EPB41L4A: variants seen among roughly 807,000 people sequenced by gnomAD.
EPB41L4A encodes the protein erythrocyte membrane protein band 4.1 like 4A, also known as band 4.1-like protein 4A.
Under a neutral mutation model 108.6 loss-of-function variants are expected in EPB41L4A, and 100 were observed. The ratio of observed to expected loss-of-function variants is 0.92; its 90% CI spans 0.78 to 1.09. The LOEUF (loss-of-function observed/expected upper bound fraction) is 1.09. Ranked by LOEUF, EPB41L4A falls within the 50% of genes least tolerant of loss-of-function variation. The probability of loss-of-function intolerance (pLI) is 0.00; values close to 1 mark genes in which losing one functional copy is unlikely to be tolerated. For missense variants in EPB41L4A, 1,030 were observed against 842.7 expected (o/e 1.22, Z -2.75); for synonymous variants, 319 against 289.0 (o/e 1.10, Z -1.05).
chr5:112,154,118 A>C (rs1305555874), intron 12 of EPB41L4A, among the ~76,000 whole-genome samples: 1 of 152,216 alleles, frequency 6.6e-6, no homozygotes, highest in Non-Finnish European at 1.5e-5. Flanking sequence ...TTAATAATGT[A>C]AGTGTGGATA....
intron 2 of EPB41L4A, among the ~76,000 whole-genome samples, chr5:112,282,816 G>A (rs1004013335): frequency 2.6e-5 from 4 of 152,076 alleles, no homozygotes; most frequent in Non-Finnish European, 4.4e-5. Context: ...ACTAGTAAGG[G>A]GCAGAAATCA....
chr5:112,390,923 G>A (rs1315060875), intron 1 of EPB41L4A, among the ~76,000 whole-genome samples: 1 of 152,186 alleles, frequency 6.6e-6, no homozygotes, highest in Non-Finnish European at 1.5e-5. Context: ...TGATACCCAG[G>A]CAAACAGGGT....
intron 1 of EPB41L4A, among the ~76,000 whole-genome samples, chr5:112,346,772 T>A (rs988569854): frequency 9.2e-5 from 14 of 152,346 alleles, no homozygotes; most frequent in African/African-American, 3.4e-4. Flanking sequence ...TAGGCTTCAG[T>A]AAAACAGAAT....
At chr5:112,265,619 A>C (rs917711365) in intron 5 of EPB41L4A, among the ~76,000 whole-genome samples, 2 of 152,158 alleles carry the variant, frequency 1.3e-5, no homozygotes, top group African/African-American at 4.8e-5. Flanking sequence ...CTTCTAGATT[A>C]TTTTTAGTCT....
At chr5:112,161,019 G>A (rs1759860199), downstream of EPB41L4A, 1 of 156,314 alleles carries the variant, frequency 6.4e-6, no homozygotes, top group African/African-American at 2.4e-5. Context: ...GCCTGTGTCC[G>A]AAGTGTCCGG....
chr5:112,327,792 C>T lies in EPB41L4A; in HGVS notation c.100-20302G>A, dbSNP rs189581028. Among the ~76,000 whole-genome samples, 305 of 152,114 alleles carry T rather than the reference C, an allele frequency of 2.0e-3. 1 individual carries two copies. The highest frequency in any genetic ancestry group is 7.2e-3 in the African/African-American group (300 of 41,512). ...AGCACTGCACCTACAGTAAACATCT[C>T]GCAAGTAACAGAAAGGGAGAGAGGG... On this transcript the variant is annotated intron_variant, in intron 1 of 22. Transcript: ENST00000261486.
intron 1 of EPB41L4A, among the ~76,000 whole-genome samples, chr5:112,337,377 A>G (rs1038627556): frequency 1.1e-4 from 17 of 152,316 alleles, no homozygotes; most frequent in African/African-American, 3.9e-4. Flanking sequence ...TATCTACCAT[A>G]TATCAACCAC....
At chr5:112,387,957 A>G (rs114176287) in intron 1 of EPB41L4A, among the ~76,000 whole-genome samples, 1,714 of 152,326 alleles carry the variant, frequency 0.011, 32 homozygotes, top group African/African-American at 0.038. Flanking sequence ...ACAATAAAAG[A>G]AAAAGGAAGT....
chr5:112,170,501 A>G, intron 19 of EPB41L4A, 132 bp from the exon 20 acceptor site: 2 of 636,396 alleles, frequency 3.1e-6, no homozygotes, highest in Non-Finnish European at 2.7e-6. Flanking sequence ...ATGAAAATTT[A>G]TAAAAACTAA....
chr5:112,225,298 C>G (rs1009451349), intron 12 of EPB41L4A, among the ~76,000 whole-genome samples: 1 of 152,212 alleles, frequency 6.6e-6, no homozygotes, highest in African/African-American at 2.4e-5. Flanking sequence ...GTACTTTAAT[C>G]CTGGACTTAT....
At chr5:112,225,957 C>G (rs1044487669) in intron 12 of EPB41L4A, among the ~76,000 whole-genome samples, 1 of 152,220 alleles carries the variant, frequency 6.6e-6, no homozygotes, top group Non-Finnish European at 1.5e-5. Context: ...AAGCTACTAT[C>G]TGCAGAGTGT....
At chr5:112,217,967 C>G (rs577297838) in intron 12 of EPB41L4A, among the ~76,000 whole-genome samples, 77 of 152,200 alleles carry the variant, frequency 5.1e-4, no homozygotes, top group Non-Finnish European at 9.0e-4. Context: ...CTCCTGGATC[C>G]CTCTGCTTTC....
rs922731848 is a variant in EPB41L4A, at chr5:112,365,447, A to C, written c.99+53494T>G. Among the ~76,000 whole-genome samples, 6 of 151,918 alleles carry C rather than the reference A, an allele frequency of 3.9e-5. 1 individual carries two copies. Among genetic ancestry groups the C allele is most frequent in the Admixed American group, 3.9e-4 (6 of 15,280 alleles). On this transcript the variant is annotated intron_variant, in intron 1 of 22. Coordinates refer to ENST00000261486, the MANE Select transcript of EPB41L4A (RefSeq NM_022140.5). ...GTTTTAATAAAATATTTCTGATTTA[A>C]TATCAACTCCCCTAGACACTAAAGA...
At chr5:112,371,637 AG>A (rs1759504164) in intron 1 of EPB41L4A, among the ~76,000 whole-genome samples, 1 of 152,164 alleles carries the variant, frequency 6.6e-6, no homozygotes, top group African/African-American at 2.4e-5. Flanking sequence ...CAAAGTGGCA[AG>A]ACTGTCTGTG....
chr5:112,159,091 T>C (rs2112830298), downstream of EPB41L4A, among the ~76,000 whole-genome samples: 1 of 152,318 alleles, frequency 6.6e-6, no homozygotes. Context: ...TTCTGTACAG[T>C]CATTTTCTCC....
At chr5:112,345,005 T>A (rs1193268562) in intron 1 of EPB41L4A, among the ~76,000 whole-genome samples, 1 of 152,248 alleles carries the variant, frequency 6.6e-6, no homozygotes, top group Non-Finnish European at 1.5e-5. Flanking sequence ...TATTTCCTCA[T>A]TTATACCAAT....
At chr5:112,205,334 C>A in intron 14 of EPB41L4A, 87 bp downstream of exon 14, 1 of 1,132,158 alleles carries the variant, frequency 8.8e-7, no homozygotes, top group African/African-American at 1.5e-5. Context: ...GATCAGCCAC[C>A]CAGCAGCTGG....
At chr5:112,322,387 T>C (rs1394453322) in intron 1 of EPB41L4A, among the ~76,000 whole-genome samples, 1 of 152,132 alleles carries the variant, frequency 6.6e-6, no homozygotes, top group Non-Finnish European at 1.5e-5. Context: ...AAAGTTTGAG[T>C]ATGAGGCCAA....
intron 1 of EPB41L4A, among the ~76,000 whole-genome samples, chr5:112,381,070 G>A (rs536701304): frequency 6.6e-6 from 1 of 152,174 alleles, no homozygotes; most frequent in Non-Finnish European, 1.5e-5. Context: ...CATACCATCA[G>A]AGAGCGTGAG....
Sources: gnomAD v4.1 joint callset for allele counts (sites outside exome capture counted in the v4.1 genomes callset) on GRCh38, gnomAD v4.1.1 for gene constraint, MANE v1.5 for transcripts, NCBI Gene and HGNC (gene_info 2026-07-23, HGNC 2026-07-21) for gene names.